VWA3B: variants seen among roughly 807,000 people sequenced by gnomAD.
The protein encoded by VWA3B is von Willebrand factor A domain containing 3B.
Under a neutral mutation model 158.3 loss-of-function variants are expected in VWA3B, and 138 were observed. The ratio of observed to expected loss-of-function variants is 0.87; its 90% CI spans 0.76 to 1.00. The LOEUF (loss-of-function observed/expected upper bound fraction) is 1.00. VWA3B is among the 50% of genes least tolerant of loss of function. The probability of loss-of-function intolerance (pLI) is 0.00; values close to 1 mark genes in which losing one functional copy is unlikely to be tolerated. For missense variants in VWA3B, 1,555 were observed against 1,565.1 expected, an observed-to-expected ratio of 0.99 and a Z score of 0.11; for synonymous variants, 596 against 587.3, an observed-to-expected ratio of 1.01 and a Z score of -0.21.
In VWA3B at chr2:98,119,519, G is replaced by A; in HGVS notation, c.298G>A (p.Ala100Thr). ...AEDGRVYNLT[A>T]KSELIYQFVE... Reference sequence around the variant, plus strand: ...GTCTTTTATTTTCATTAAGCTGACAGCTAAATCAGAACTGATTTATCAGTT... The same window carrying A: ...GTCTTTTATTTTCATTAAGCTGACAACTAAATCAGAACTGATTTATCAGTT... Residue 100 changes from alanine (A) to threonine (T), a missense_variant, in exon 4 of 28, where the codon GCT becomes ACT. Ala to Thr is a moderately conservative substitution (Grantham distance 58). Coordinates refer to ENST00000477737, the MANE Select transcript of VWA3B (RefSeq NM_144992.5). 6.2e-7 allele frequency: 1 copy of A among 1,613,534 alleles called. No homozygotes were observed. The highest frequency in any genetic ancestry group is 1.3e-5 in the African/African-American group (1 of 74,964).
chr2:98,192,826 T>G, intron 10 of VWA3B, 72 bp from the exon 11 acceptor site: 2 of 1,604,614 alleles, frequency 1.2e-6, no homozygotes, highest in South Asian at 1.1e-5. Flanking sequence ...AGATGCATCG[T>G]TAAGTTCTTG....
rs1351999699 is a variant in VWA3B, at chr2:98,266,821, G to A, written c.2844-3861G>A. 3.3e-4 allele frequency among the ~76,000 whole-genome samples: 47 copies of A among 144,086 alleles called. No individual in the cohort carries two copies. In the East Asian group the frequency reaches 8.2e-3, roughly 25 times the overall value. 94.5% of individuals were successfully genotyped at this position (144,086 alleles called of 152,430 possible). The stretch of plus-strand genomic sequence containing the variant: ...CTCTTTGAAGCAATTGTGAATGGGA[G>A]TTCACTCATGATTTGGCTCTCTGTT... On this transcript the variant is annotated intron_variant, in intron 21 of 27. Transcript: ENST00000477737.
rs538919282 is a variant in VWA3B, at chr2:98,174,534, T to C, written c.1115-6482T>C. On this transcript the variant is annotated intron_variant, in intron 8 of 27. Coordinates refer to ENST00000477737, the MANE Select transcript of VWA3B (RefSeq NM_144992.5). ...GTTGTCAAAAACAATGAGAGGTGAT[T>C]GATTAATTTTGTGGCTGACTAAGGT... Among the ~76,000 whole-genome samples the C allele has an allele frequency of 2.6e-4, 40 of 152,302 alleles. 1 individual carries two copies. The South Asian group carries it at 8.1e-3, about 31-fold the overall frequency.
chr2:98,288,951 G>C (rs1389817485), intron 22 of VWA3B, among the ~76,000 whole-genome samples: 1 of 152,060 alleles, frequency 6.6e-6, no homozygotes, highest in Non-Finnish European at 1.5e-5. Flanking sequence ...CTTTCCAAAG[G>C]TTCACAGTAC....
At chr2:98,181,328 G>A (rs1680564012) in intron 9 of VWA3B, 116 bp downstream of exon 9, 2 of 1,155,322 alleles carry the variant, frequency 1.7e-6, no homozygotes, top group Non-Finnish European at 2.5e-6. Context: ...AACCAGCTTG[G>A]GTTTCTGTGA....
At chr2:98,192,608 G>T (rs939895850) in intron 10 of VWA3B, among the ~76,000 whole-genome samples, 6 of 152,060 alleles carry the variant, frequency 3.9e-5, no homozygotes, top group African/African-American at 1.5e-4. Flanking sequence ...GGATATGATG[G>T]CTTAGCTTGG....
At chr2:98,099,864 T>C (rs1369500749) in intron 2 of VWA3B, among the ~76,000 whole-genome samples, 1 of 152,166 alleles carries the variant, frequency 6.6e-6, no homozygotes, top group African/African-American at 2.4e-5. Flanking sequence ...TATTGCATTT[T>C]TCTTTGTGTT....
rs1685210963 is a variant in VWA3B at position 98,229,921 on chromosome 2, A to T, written c.2151-129A>T. 3 of 1,033,596 alleles carry T rather than the reference A, an allele frequency of 2.9e-6. No homozygotes were observed. The African/African-American group carries it at 4.9e-5, about 17-fold the overall frequency. The allele number at this position is 1,033,596 out of a possible 1,614,324, so 64.0% of individuals were successfully genotyped here. Reference sequence around the variant, plus strand: ...AATGACTATTTTTATATTAACCCAGATGGGGGAAGGCTTACTTTTTAAAGT... The same window carrying T: ...AATGACTATTTTTATATTAACCCAGTTGGGGGAAGGCTTACTTTTTAAAGT... On this transcript the variant is annotated intron_variant, in intron 15 of 27. Coordinates refer to ENST00000477737, the MANE Select transcript of VWA3B (RefSeq NM_144992.5).
At position 98,281,907 on chromosome 2, in the gene VWA3B, G is replaced by A. The variant is rs1688899350; in HGVS notation, c.3046-8604G>A. Among the ~76,000 whole-genome samples, 4 of 152,188 alleles carry A rather than the reference G, an allele frequency of 2.6e-5. No individual in the cohort carries two copies. In the South Asian group the frequency reaches 6.2e-4, roughly 24 times the overall value. ...TGTGCCTGAGTCTAAACATATGTTGGCTTATTTGTTTGAGAGCTAGCCTTT... is the reference window on the plus strand; with the variant it reads ...TGTGCCTGAGTCTAAACATATGTTGACTTATTTGTTTGAGAGCTAGCCTTT... On this transcript the variant is annotated intron_variant, in intron 22 of 27. Coordinates refer to ENST00000477737, the MANE Select transcript of VWA3B (RefSeq NM_144992.5).
At chr2:98,092,226 C>G (rs960779645) in intron 1 of VWA3B, among the ~76,000 whole-genome samples, 13 of 152,224 alleles carry the variant, frequency 8.5e-5, no homozygotes, top group African/African-American at 2.9e-4. Context: ...TTTTATCCTT[C>G]TCATCCTCAT....
chr2:98,128,108 C>T (rs1675526148), intron 5 of VWA3B, 131 bp from the exon 6 acceptor site: 5 of 1,120,374 alleles, frequency 4.5e-6, no homozygotes, highest in African/African-American at 1.6e-5. Context: ...TCAGAAAACC[C>T]TGGGCAGGGC....
At chr2:98,308,897 G>T (rs182018876) in intron 26 of VWA3B, among the ~76,000 whole-genome samples, 1 of 152,250 alleles carries the variant, frequency 6.6e-6, no homozygotes, top group East Asian at 1.9e-4. Flanking sequence ...CCTGTCCGGG[G>T]GCAGTGGCTC....
intron 6 of VWA3B, 53 bp from the exon 7 acceptor site, chr2:98,133,771 A>G: frequency 6.7e-7 from 1 of 1,501,896 alleles, no homozygotes; most frequent in Non-Finnish European, 9.3e-7. Flanking sequence ...AGGAACAAGC[A>G]TGCACGGACA....
intron 19 of VWA3B, among the ~76,000 whole-genome samples, chr2:98,244,356 G>T (rs1252347598): frequency 6.6e-6 from 1 of 152,026 alleles, no homozygotes; most frequent in Non-Finnish European, 1.5e-5. Context: ...ATCAAAAAAC[G>T]TTGCTAAATG....
chr2:98,285,607 A>G (rs1689122993), intron 22 of VWA3B, among the ~76,000 whole-genome samples: 1 of 151,776 alleles, frequency 6.6e-6, no homozygotes, highest in Non-Finnish European at 1.5e-5. Flanking sequence ...AATCCATATC[A>G]CTATCCTATG....
Position 98,092,228 on chromosome 2 carries a change from C to T in VWA3B, c.-32-833C>T, listed in dbSNP as rs146851847. On this transcript the variant is annotated intron_variant, in intron 1 of 27. Transcript: ENST00000477737. ...AAACCTGTCAGAGTTTTATCCTTCTCATCCTCATTGGGCACAAAATGTCAG... is the reference window on the plus strand; with the variant it reads ...AAACCTGTCAGAGTTTTATCCTTCTTATCCTCATTGGGCACAAAATGTCAG... Among the ~76,000 whole-genome samples, 61 of 152,354 alleles carry T rather than the reference C, an allele frequency of 4.0e-4. No homozygotes were observed. In the East Asian group the frequency reaches 0.011, roughly 26 times the overall value.
At chr2:98,122,392 C>G (rs1675036620) in intron 5 of VWA3B, among the ~76,000 whole-genome samples, 1 of 152,186 alleles carries the variant, frequency 6.6e-6, no homozygotes, top group Non-Finnish European at 1.5e-5. Context: ...GTGTTGGCAT[C>G]TTGAAAGATA....
At chr2:98,134,580 A>T (rs1271410809) in intron 7 of VWA3B, among the ~76,000 whole-genome samples, 3 of 152,116 alleles carry the variant, frequency 2.0e-5, no homozygotes, top group African/African-American at 7.2e-5. Context: ...AGTGCTGAAG[A>T]CTGAATAAAC....
intron 21 of VWA3B, among the ~76,000 whole-genome samples, chr2:98,256,676 T>A (rs942442585): frequency 6.6e-6 from 1 of 152,204 alleles, no homozygotes; most frequent in Non-Finnish European, 1.5e-5. Context: ...TTTGTGGACA[T>A]ATGTTTTCAT....
Sources: allele counts gnomAD v4.1 joint callset (sites outside exome capture counted in the v4.1 genomes callset), GRCh38; gene constraint gnomAD v4.1.1; transcripts MANE v1.5; gene names NCBI Gene and HGNC (gene_info 2026-07-23, HGNC 2026-07-21).